Variants in CHRM3 observed in about 807,000 individuals in gnomAD.
CHRM3 encodes muscarinic acetylcholine receptor M3.
In CHRM3, 11 loss-of-function variants were observed where a neutral mutation model predicts 41.8. The observed-to-expected ratio is 0.26, with a 90% CI of 0.17 to 0.44. The LOEUF (loss-of-function observed/expected upper bound fraction) is 0.44, where lower values mean the gene tolerates loss of function less well. CHRM3 is among the 20% of genes least tolerant of loss of function. CHRM3 has a pLI of 1.00. For missense variants in CHRM3, 571 were observed against 745.4 expected (o/e 0.77, Z 2.72); for synonymous variants, 297 against 301.4 (o/e 0.99, Z 0.15).
intron 5 of CHRM3, among the ~76,000 whole-genome samples, chr1:239,788,478 C>A (rs1669084999): frequency 6.6e-6 from 1 of 151,994 alleles, no homozygotes; most frequent in Non-Finnish European, 1.5e-5. Context: ...CAAATGATAA[C>A]CCTGAGGCCA....
chr1:239,426,177 G>C (rs1237775975), intron 1 of CHRM3, among the ~76,000 whole-genome samples: 2 of 103,856 alleles, frequency 1.9e-5, no homozygotes, highest in Non-Finnish European at 1.8e-5. Flanking sequence ...CAACAGGCCC[G>C]GTAAGTCAGG....
At chr1:239,501,999 A>C (rs1668272704) in intron 2 of CHRM3, among the ~76,000 whole-genome samples, 4 of 152,188 alleles carry the variant, frequency 2.6e-5, no homozygotes, top group Non-Finnish European at 4.4e-5. Context: ...CTGACATTCT[A>C]AGGACACATC....
At chr1:239,475,351 A>G (rs1053961690) in intron 1 of CHRM3, among the ~76,000 whole-genome samples, 2 of 152,132 alleles carry the variant, frequency 1.3e-5, no homozygotes, top group Admixed American at 1.3e-4. Context: ...ATATGGTGTG[A>G]TGAAGAGGAC....
chr1:239,644,793 C>T (rs1015775549), intron 4 of CHRM3, among the ~76,000 whole-genome samples: 10 of 152,138 alleles, frequency 6.6e-5, no homozygotes, highest in Non-Finnish European at 2.9e-5. Context: ...TGAAGCTGCA[C>T]GTTGATGAAG....
chr1:239,908,825 C>T lies in CHRM3; in HGVS notation c.1374C>T (p.Phe458=). ...GCACGGCCACTCTACCTCTGTCCTTCAAGGAAGCCACTCTGGCCAAGAGGT... is the reference window on the plus strand; with the variant it reads ...GCACGGCCACTCTACCTCTGTCCTTTAAGGAAGCCACTCTGGCCAAGAGGT... ...GKSTATLPLS[F]KEATLAKRFA... is the part of the protein sequence containing the mutation. Residue 458 remains phenylalanine, a synonymous_variant, in exon 7 of 7, where the codon TTC becomes TTT. Coordinates refer to ENST00000676153, the MANE Select transcript of CHRM3 (RefSeq NM_001375978.1). The surrounding 1 kb of genome is among the most constrained non-coding windows in gnomAD (Gnocchi z 7.2). 6.2e-7 allele frequency: 1 copy of T among 1,614,144 alleles called. No homozygotes were observed. Among genetic ancestry groups the T allele is most frequent in the Non-Finnish European group, 8.5e-7 (1 of 1,180,034 alleles).
At chr1:239,815,955 G>T (rs563324228) in intron 5 of CHRM3, among the ~76,000 whole-genome samples, 7 of 152,026 alleles carry the variant, frequency 4.6e-5, no homozygotes, top group Non-Finnish European at 8.8e-5. Context: ...AGTATTTCTG[G>T]GTCAGTGTAG....
At chr1:239,563,113 T>C (rs1447830044) in intron 3 of CHRM3, among the ~76,000 whole-genome samples, 1 of 152,126 alleles carries the variant, frequency 6.6e-6, no homozygotes. Context: ...TATTATCCTC[T>C]AGAAATGTTT....
At chr1:239,506,291 CAT>C (rs1668565950) in intron 2 of CHRM3, among the ~76,000 whole-genome samples, 2 of 152,056 alleles carry the variant, frequency 1.3e-5, no homozygotes, top group Non-Finnish European at 1.5e-5. Flanking sequence ...AGCCCAGAGA[CAT>C]AGGAGGAAAA....
intron 5 of CHRM3, among the ~76,000 whole-genome samples, chr1:239,764,020 G>A (rs1215072572): frequency 6.6e-6 from 1 of 151,216 alleles, no homozygotes; most frequent in Non-Finnish European, 1.5e-5. Flanking sequence ...GAGCCCAGCA[G>A]TTTGAGGTTG....
At chr1:239,665,164 G>GAAAA (rs56144752) in intron 4 of CHRM3, among the ~76,000 whole-genome samples, 9 of 119,480 alleles carry the variant, frequency 7.5e-5, no homozygotes, top group African/African-American at 2.7e-4. Context: ...GTTTTTCTCT[G>GAAAA]AAAAAAAAAA....
At chr1:239,640,613 C>T (rs970370669) in intron 4 of CHRM3, among the ~76,000 whole-genome samples, 2 of 151,064 alleles carry the variant, frequency 1.3e-5, no homozygotes, top group African/African-American at 2.4e-5. Flanking sequence ...GTGGTGATAT[C>T]CCCTTTATCA....
At position 239,815,047 on chromosome 1, in the gene CHRM3, A is replaced by T. The variant is rs552771805; in HGVS notation, c.-146-12205A>T. 3.0e-4 allele frequency among the ~76,000 whole-genome samples: 45 copies of T among 152,296 alleles called. No homozygotes were observed. In the South Asian group the frequency reaches 3.7e-3, roughly 13 times the overall value. On this transcript the variant is annotated intron_variant, in intron 5 of 6. Coordinates refer to ENST00000676153, the MANE Select transcript of CHRM3 (RefSeq NM_001375978.1). ...TGCCTCGGCCTCCCAAAGTTCTGGG[A>T]TTACAGGCATGAGCCACCATGCCCG...
intron 6 of CHRM3, among the ~76,000 whole-genome samples, chr1:239,881,054 T>C (rs369128492): frequency 3.1e-4 from 47 of 151,726 alleles, no homozygotes; most frequent in South Asian, 4.2e-4. Flanking sequence ...GAGACCGAGG[T>C]GGGCGGATCA....
intron 5 of CHRM3, among the ~76,000 whole-genome samples, chr1:239,723,586 A>T (rs1431016782): frequency 6.6e-6 from 1 of 151,960 alleles, no homozygotes; most frequent in Non-Finnish European, 1.5e-5. Flanking sequence ...AATTGCTGCC[A>T]TATATCGAAA....
chr1:239,419,005 T>C (rs1270359734), intron 1 of CHRM3, among the ~76,000 whole-genome samples: 2 of 152,164 alleles, frequency 1.3e-5, no homozygotes, highest in Non-Finnish European at 1.5e-5. Context: ...GGATTTCAGA[T>C]ATCCCTGTTT....
At chr1:239,612,153 A>C (rs1424792578) in intron 3 of CHRM3, among the ~76,000 whole-genome samples, 1 of 152,166 alleles carries the variant, frequency 6.6e-6, no homozygotes, top group Non-Finnish European at 1.5e-5. Flanking sequence ...AGATCTCAGC[A>C]TTTCATCATT....
chr1:239,587,446 C>A (rs1159518941), intron 3 of CHRM3, among the ~76,000 whole-genome samples: 1 of 152,174 alleles, frequency 6.6e-6, no homozygotes, highest in East Asian at 1.9e-4. Flanking sequence ...TTGCCTTCCC[C>A]TGCCAAAGAC....
intron 2 of CHRM3, among the ~76,000 whole-genome samples, chr1:239,523,689 C>G (rs1669803343): frequency 6.6e-6 from 1 of 152,108 alleles, no homozygotes; most frequent in Non-Finnish European, 1.5e-5. Flanking sequence ...ACCCTAGGGG[C>G]ATCCAATTAA....
At chr1:239,729,620 A>G (rs544702077) in intron 5 of CHRM3, among the ~76,000 whole-genome samples, 1 of 152,086 alleles carries the variant, frequency 6.6e-6, no homozygotes, top group African/African-American at 2.4e-5. Flanking sequence ...TAATAGTTAC[A>G]GAGTTTTCTG....
Sources: allele counts gnomAD v4.1 joint callset (sites outside exome capture counted in the v4.1 genomes callset), GRCh38; gene constraint gnomAD v4.1.1; non-coding constraint Gnocchi (gnomAD v3.1); transcripts MANE v1.5; gene names NCBI Gene and HGNC (gene_info 2026-07-23, HGNC 2026-07-21).